ADAMTSL3: variants seen among roughly 807,000 people sequenced by gnomAD.
The protein encoded by ADAMTSL3 is ADAMTS-like protein 3.
Under a neutral mutation model 201.7 loss-of-function variants are expected in ADAMTSL3, and 128 were observed. The ratio of observed to expected loss-of-function variants is 0.63; its 90% confidence interval spans 0.55 to 0.73. The LOEUF (loss-of-function observed/expected upper bound fraction) is 0.73, where lower values mean the gene tolerates loss of function less well. Ranked by LOEUF, ADAMTSL3 falls within the 30% of genes least tolerant of loss-of-function variation. ADAMTSL3 has a pLI of 0.00. For missense variants in ADAMTSL3, 1,990 were observed against 2,119.6 expected, an observed-to-expected ratio of 0.94 and a Z score of 1.20; for synonymous variants, 738 against 748.4, an observed-to-expected ratio of 0.99 and a Z score of 0.23.
At chr15:83,885,392 T>C (rs2065367480) in intron 10 of ADAMTSL3, among the ~76,000 whole-genome samples, 180 bp downstream of exon 10, 1 of 152,156 alleles carries the variant, frequency 6.6e-6, no homozygotes, top group South Asian at 2.1e-4. Flanking sequence ...GCCTTTATTC[T>C]TGAAGACAGG....
chr15:83,947,659 C>A (rs962327031), intron 19 of ADAMTSL3, among the ~76,000 whole-genome samples: 3 of 152,042 alleles, frequency 2.0e-5, no homozygotes, highest in Non-Finnish European at 4.4e-5. Flanking sequence ...CATCATGTTT[C>A]TTGGTGTTTT....
At chr15:83,783,865 G>GTC (rs2063217645) in intron 4 of ADAMTSL3, among the ~76,000 whole-genome samples, 1 of 151,626 alleles carries the variant, frequency 6.6e-6, no homozygotes. Flanking sequence ...GTGTGTGTGT[G>GTC]TCTCCACATT....
In ADAMTSL3 at chr15:83,809,961, G is replaced by A. The variant is rs191859073; in HGVS notation, c.363+5266G>A. On this transcript the variant is annotated intron_variant, in intron 5 of 29. Coordinates refer to ENST00000286744, the MANE Select transcript of ADAMTSL3 (RefSeq NM_207517.3). ...GTTTTTTCTTGGTGGGTAGGCCCCC[G>A]AGTTCTATGGGAGTAGAAAGCTGGC... is the stretch of plus-strand genomic sequence containing the variant. Among the ~76,000 whole-genome samples the A allele has an allele frequency of 3.3e-5, 5 of 152,142 alleles. No individual in the cohort carries two copies. In the East Asian group the frequency reaches 5.8e-4, roughly 18 times the overall value.
chr15:83,850,410 ATGTATATACATATGTG>A (rs1305762250), intron 7 of ADAMTSL3, among the ~76,000 whole-genome samples: 6 of 151,738 alleles, frequency 4.0e-5, no homozygotes, highest in Non-Finnish European at 7.4e-5. Flanking sequence ...ATGTATATAC[ATGTATATACATATGTG>A]TGTATATACA....
intron 8 of ADAMTSL3, among the ~76,000 whole-genome samples, chr15:83,869,501 C>G (rs1399363442): frequency 6.6e-6 from 1 of 152,102 alleles, no homozygotes; most frequent in African/African-American, 2.4e-5. Context: ...TTGAATTTTC[C>G]CAGAAAAGTT....
At chr15:83,814,533 G>A (rs949777296) in intron 5 of ADAMTSL3, among the ~76,000 whole-genome samples, 6 of 152,080 alleles carry the variant, frequency 3.9e-5, no homozygotes, top group African/African-American at 1.4e-4. Flanking sequence ...ATCTTATCCT[G>A]TTTACATCAC....
At chr15:83,674,638 T>C (rs868247253) in intron 2 of ADAMTSL3, among the ~76,000 whole-genome samples, 2 of 148,252 alleles carry the variant, frequency 1.3e-5, no homozygotes, top group South Asian at 2.1e-4. Context: ...AACATATATA[T>C]ACACACATAT....
At chr15:83,818,987 G>A (rs1402648533) in intron 5 of ADAMTSL3, among the ~76,000 whole-genome samples, 1 of 152,064 alleles carries the variant, frequency 6.6e-6, no homozygotes, top group Non-Finnish European at 1.5e-5. Context: ...TAAAAACAAC[G>A]ACAGGCCGGG....
intron 4 of ADAMTSL3, among the ~76,000 whole-genome samples, chr15:83,796,370 C>G (rs959880840): frequency 6.6e-6 from 1 of 152,136 alleles, no homozygotes; most frequent in East Asian, 1.9e-4. Context: ...TGACTGTGCT[C>G]TTACACAGTA....
chr15:84,008,877 T>C (rs932830236), intron 23 of ADAMTSL3, among the ~76,000 whole-genome samples: 4 of 152,188 alleles, frequency 2.6e-5, no homozygotes, highest in African/African-American at 9.7e-5. Flanking sequence ...GGCAGTTATT[T>C]AATTTGCTTG....
At chr15:83,817,162 T>G (rs1401353577) in intron 5 of ADAMTSL3, among the ~76,000 whole-genome samples, 1 of 152,244 alleles carries the variant, frequency 6.6e-6, no homozygotes, top group Non-Finnish European at 1.5e-5. Context: ...GTTAATTATA[T>G]TCTATCTATT....
chr15:83,967,561 T>C (rs917568095), intron 19 of ADAMTSL3, among the ~76,000 whole-genome samples: 1 of 152,204 alleles, frequency 6.6e-6, no homozygotes. Context: ...AAACATTCCA[T>C]GTTCATGGAT....
rs150293235 is a variant in ADAMTSL3, at chr15:83,971,745, T to G, written c.2644+1108T>G. 1.9e-3 allele frequency among the ~76,000 whole-genome samples: 280 copies of G among 150,996 alleles called. 1 individual carries two copies. Among genetic ancestry groups the G allele is most frequent in the African/African-American group, 6.2e-3 (255 of 41,316 alleles). On this transcript the variant is annotated intron_variant, in intron 20 of 29. Coordinates refer to ENST00000286744, the MANE Select transcript of ADAMTSL3 (RefSeq NM_207517.3). ...ACAGCTTTGGAGTTCATTTACCACT[T>G]TTTCACTATCTTTAATTACTCACCT...
At chr15:83,817,528 G>A (rs1476074038) in intron 5 of ADAMTSL3, among the ~76,000 whole-genome samples, 1 of 152,176 alleles carries the variant, frequency 6.6e-6, no homozygotes. Flanking sequence ...GCATGAAAAT[G>A]TAAAACTTTT....
chr15:83,787,380 TGAA>T (rs1247951127), intron 4 of ADAMTSL3, among the ~76,000 whole-genome samples: 1 of 152,136 alleles, frequency 6.6e-6, no homozygotes, highest in Non-Finnish European at 1.5e-5. Context: ...AATAGAGAAA[TGAA>T]GTAATGTATT....
intron 23 of ADAMTSL3, among the ~76,000 whole-genome samples, chr15:84,013,008 A>G (rs1453908714): frequency 1.3e-5 from 2 of 152,222 alleles, no homozygotes; most frequent in Non-Finnish European, 2.9e-5. Context: ...CCCCCTATGC[A>G]TTTCCACCTC....
chr15:83,677,170 G>C (rs1166434187), intron 2 of ADAMTSL3, among the ~76,000 whole-genome samples: 2 of 152,104 alleles, frequency 1.3e-5, no homozygotes, highest in Non-Finnish European at 2.9e-5. Flanking sequence ...TAAATTCACT[G>C]AAGTTTGTTT....
intron 3 of ADAMTSL3, among the ~76,000 whole-genome samples, chr15:83,746,117 G>A (rs1013212236): frequency 6.0e-5 from 9 of 149,194 alleles, no homozygotes; most frequent in African/African-American, 2.2e-4. Flanking sequence ...GTTGCAAAAT[G>A]GCACTGCAGC....
chr15:83,793,449 A>G (rs2063374967), intron 4 of ADAMTSL3, among the ~76,000 whole-genome samples: 1 of 142,200 alleles, frequency 7.0e-6, no homozygotes, highest in Non-Finnish European at 1.6e-5. Flanking sequence ...ATACAATTTT[A>G]TCTGTTGGTG....
Sources: allele counts gnomAD v4.1 joint callset (sites outside exome capture counted in the v4.1 genomes callset), GRCh38; gene constraint gnomAD v4.1.1; transcripts MANE v1.5; gene names NCBI Gene and HGNC (gene_info 2026-07-23, HGNC 2026-07-21).